Variants in UGT1A9 observed in about 807,000 individuals in gnomAD.
UGT1A9 encodes the protein UDP-glucuronosyltransferase 1A9.
UGT1A9 carries 35 observed loss-of-function variants against 45.0 expected under a neutral mutation model. That is an observed-to-expected ratio of 0.78 (90% CI 0.59 to 1.03). The LOEUF is 1.03. UGT1A9 is among the 50% of genes least tolerant of loss of function. The probability of loss-of-function intolerance (pLI) is 0.00; values close to 1 mark genes in which losing one functional copy is unlikely to be tolerated. For missense variants in UGT1A9, 687 were observed against 666.6 expected (o/e 1.03, Z -0.34); for synonymous variants, 278 against 250.6 (o/e 1.11, Z -1.03).
In UGT1A9 at chr2:233,767,042, AGCCTACATTAAT is replaced by A; in HGVS notation, c.867_878del (p.Tyr290_Ala293del). The A allele has an allele frequency of 6.2e-7, 1 of 1,614,104 alleles. No individual in the cohort carries two copies. The highest frequency in any genetic ancestry group is 8.5e-7 in the Non-Finnish European group (1 of 1,179,998). ...TTTTCTTCTGGCTCTAGGAATTTGA[AGCCTACATTAAT>A]GCTTCTGGAGAACATGGAATTGTGG... On this transcript the variant is annotated inframe_deletion, in exon 2 of 5. Coordinates refer to ENST00000354728, the MANE Select transcript of UGT1A9 (RefSeq NM_021027.3).
chr2:233,755,178 T>A, intron 1 of UGT1A9: 1 of 1,236,812 alleles, frequency 8.1e-7, no homozygotes, highest in Non-Finnish European at 1.1e-6. Flanking sequence ...TTTGTCGGGG[T>A]GCCACTTGAG....
intron 1 of UGT1A9, chr2:233,681,811 A>C: frequency 6.7e-7 from 1 of 1,488,258 alleles, no homozygotes; most frequent in Non-Finnish European, 8.9e-7. Context: ...GTGAATGTGA[A>C]TTTTTTTTTA....
chr2:233,679,139 C>A (rs1364113053), intron 1 of UGT1A9, among the ~76,000 whole-genome samples: 2 of 152,110 alleles, frequency 1.3e-5, no homozygotes, highest in African/African-American at 4.8e-5. Context: ...GATTGAGAGA[C>A]TGAATTAGAG....
chr2:233,740,508 G>A (rs529004725), intron 1 of UGT1A9, among the ~76,000 whole-genome samples: 1 of 152,040 alleles, frequency 6.6e-6, no homozygotes, highest in East Asian at 1.9e-4. Flanking sequence ...AGTGTGTGAT[G>A]TAAGCTGAAC....
intron 1 of UGT1A9, among the ~76,000 whole-genome samples, chr2:233,722,820 A>AT (rs1013250134): frequency 4.0e-5 from 6 of 148,234 alleles, no homozygotes; most frequent in Non-Finnish European, 9.0e-5. Context: ...TTTTCAAGTT[A>AT]TTTTGTATTA....
At chr2:233,715,992 A>G (rs1463123086) in intron 1 of UGT1A9, among the ~76,000 whole-genome samples, 2 of 152,168 alleles carry the variant, frequency 1.3e-5, no homozygotes, top group African/African-American at 2.4e-5. Flanking sequence ...AAACACAACA[A>G]AACCCAAAAT....
chr2:233,692,889 G>C (rs539010798), intron 1 of UGT1A9: 13 of 1,521,482 alleles, frequency 8.5e-6, no homozygotes, highest in African/African-American at 8.3e-5. Flanking sequence ...CAGAGCAAGG[G>C]AGAGGTAGAC....
rs185086181 is a variant in UGT1A9, at chr2:233,749,033, T to C, written c.856-18001T>C. Among the ~76,000 whole-genome samples, 300 of 151,916 alleles carry C rather than the reference T, an allele frequency of 2.0e-3. 2 individuals carry two copies. The highest frequency in any genetic ancestry group is 7.3e-3 in the Admixed American group (111 of 15,296). On this transcript the variant is annotated intron_variant, in intron 1 of 4. Coordinates refer to ENST00000354728, the MANE Select transcript of UGT1A9 (RefSeq NM_021027.3). Reference sequence around the variant, plus strand: ...TTTAATCCAGAATATTTGGGGTTCATTGATGTGGTACTCTGGGACCTGAAT... The same window carrying C: ...TTTAATCCAGAATATTTGGGGTTCACTGATGTGGTACTCTGGGACCTGAAT...
intron 1 of UGT1A9, chr2:233,719,249 T>C: frequency 1.2e-6 from 2 of 1,614,200 alleles, no homozygotes; most frequent in South Asian, 2.2e-5. Flanking sequence ...ACCTGAATGC[T>C]ACTTCCTTTG....
At chr2:233,764,379 G>A (rs1698547509) in intron 1 of UGT1A9, among the ~76,000 whole-genome samples, 1 of 152,204 alleles carries the variant, frequency 6.6e-6, no homozygotes, top group South Asian at 2.1e-4. Flanking sequence ...TCAGGTAGGA[G>A]TTGGCCGTGA....
rs1357071651 is a variant in UGT1A9, at chr2:233,768,553, A to G, written c.1295+114A>G. The G allele has an allele frequency of 2.0e-6, 3 of 1,477,264 alleles. No individual in the cohort carries two copies. The Admixed American group carries it at 8.1e-5, about 40-fold the overall frequency. 91.5% of individuals were successfully genotyped at this position (1,477,264 alleles called of 1,614,324 possible). A position where few individuals can be genotyped will look rare whatever the true frequency, so the allele number is the denominator to read the frequency against. On this transcript the variant is annotated intron_variant, in intron 4 of 4. Coordinates refer to ENST00000354728, the MANE Select transcript of UGT1A9 (RefSeq NM_021027.3). ...AGCGTTGTTTCAAATATAAAAACAA[A>G]TACATAAAAATCTGGATTTTTATTT...
intron 1 of UGT1A9, chr2:233,744,094 T>G: frequency 7.2e-6 from 3 of 416,176 alleles, no homozygotes; most frequent in South Asian, 6.1e-5. Flanking sequence ...ATGCAGTGCT[T>G]CTGGGACTGG....
intron 1 of UGT1A9, among the ~76,000 whole-genome samples, chr2:233,737,472 C>A (rs1374146427): frequency 6.6e-6 from 1 of 152,196 alleles, no homozygotes; most frequent in Non-Finnish European, 1.5e-5. Flanking sequence ...CATGGCTCCC[C>A]TTGTCTAGGA....
rs145239529 is a variant in UGT1A9, at chr2:233,769,464, CGT to C, written c.1295+1039_1295+1040del. ...GGGTGCACACGTGTGCATTCATATGCGTGTGTGTGTGTGTGCGTGTGTTTATG... is the reference window on the plus strand; with the variant it reads ...GGGTGCACACGTGTGCATTCATATGCGTGTGTGTGTGTGCGTGTGTTTATG... On this transcript the variant is annotated intron_variant, in intron 4 of 4. Transcript: ENST00000354728. The surrounding 1 kb of genome is among the most constrained non-coding windows in gnomAD (Gnocchi z 4.4). 2,957 of 1,414,482 alleles carry C rather than the reference CGT, an allele frequency of 2.1e-3. No individual in the cohort carries two copies. Among genetic ancestry groups the C allele is most frequent in the Admixed American group, 4.4e-3 (235 of 53,304 alleles). The allele number at this position is 1,414,482 out of a possible 1,614,324, so 87.6% of individuals were successfully genotyped here. A position where few individuals can be genotyped will look rare whatever the true frequency, so the allele number is the denominator to read the frequency against.
At chr2:233,741,120 A>G (rs947867994) in intron 1 of UGT1A9, among the ~76,000 whole-genome samples, 1 of 151,760 alleles carries the variant, frequency 6.6e-6, no homozygotes, top group Non-Finnish European at 1.5e-5. Flanking sequence ...TTACACTTCT[A>G]TAAAAGCAAC....
intron 1 of UGT1A9, chr2:233,713,629 A>T: frequency 1.2e-6 from 2 of 1,613,982 alleles, no homozygotes; most frequent in Non-Finnish European, 1.7e-6. Context: ...AGGGTCAAGA[A>T]CATGCTCTAC....
rs918629819 is a variant in UGT1A9, at chr2:233,672,670, A to G, written c.736A>G (p.Ser246Gly). ...QTPVTEYDLY[S>G]HTSIWLLRTD... ...ACCTGTTACGGAGTATGATCTCTACAGCCACACATCAATTTGGTTGTTGCG... is the reference window on the plus strand; with the variant it reads ...ACCTGTTACGGAGTATGATCTCTACGGCCACACATCAATTTGGTTGTTGCG... The change falls in exon 1 of 5, where the codon AGC (serine) becomes GGC (glycine). Residue 246 changes from serine (S) to glycine (G), a missense_variant. By Grantham distance (56) the Ser-to-Gly change is moderately conservative. Coordinates refer to ENST00000354728, the MANE Select transcript of UGT1A9 (RefSeq NM_021027.3). 1 of 1,613,922 alleles carries G rather than the reference A, an allele frequency of 6.2e-7. No individual in the cohort carries two copies. Among genetic ancestry groups the G allele is most frequent in the Admixed American group, 1.7e-5 (1 of 60,014 alleles).
At chr2:233,758,938 C>A (rs1697023841) in intron 1 of UGT1A9, among the ~76,000 whole-genome samples, 1 of 152,234 alleles carries the variant, frequency 6.6e-6, no homozygotes, top group Non-Finnish European at 1.5e-5. Flanking sequence ...GACTTCAAAT[C>A]AGTCATCAGA....
chr2:233,751,617 G>A (rs1403670547), intron 1 of UGT1A9, among the ~76,000 whole-genome samples: 1 of 152,198 alleles, frequency 6.6e-6, no homozygotes, highest in African/African-American at 2.4e-5. Flanking sequence ...GGAGGTGATT[G>A]GATCATGTGT....
Sources: allele counts gnomAD v4.1 joint callset (sites outside exome capture counted in the v4.1 genomes callset), GRCh38; gene constraint gnomAD v4.1.1; non-coding constraint Gnocchi (gnomAD v3.1); transcripts MANE v1.5; gene names NCBI Gene and HGNC (gene_info 2026-07-23, HGNC 2026-07-21).